GATA4: variants seen among roughly 807,000 people sequenced by gnomAD.
GATA4 encodes the protein GATA binding protein 4, also known as transcription factor GATA-4.
GATA4 carries 7 observed loss-of-function variants against 37.9 expected under a neutral mutation model. The observed-to-expected ratio is 0.18, with a 90% CI of 0.11 to 0.35. GATA4 has a LOEUF of 0.35. Ranked by LOEUF, GATA4 falls within the 10% of genes least tolerant of loss-of-function variation. The pLI is 1.00. For missense variants in GATA4, 647 were observed against 653.0 expected (o/e 0.99, Z 0.10); for synonymous variants, 372 against 292.6 (o/e 1.27, Z -2.77).
In GATA4 at chr8:11,710,681, T is replaced by C. The variant is rs1800139501; in HGVS notation, c.616+1753T>C. Among the ~76,000 whole-genome samples the C allele has an allele frequency of 3.7e-5, 3 of 81,812 alleles. No individual in the cohort carries two copies. The South Asian group carries it at 1.6e-3, about 44-fold the overall frequency. The allele number at this position is 81,812 out of a possible 152,430, so 53.7% of individuals were successfully genotyped here. A position where few individuals can be genotyped will look rare whatever the true frequency, so the allele number is the denominator to read the frequency against. ...CTCCAGCCTGGTAACAGAACAAGAC[T>C]ACGTCTCAAAAAAAAAAAAAAAAAA... On this transcript the variant is annotated intron_variant, in intron 2 of 6. Transcript: ENST00000532059.
At chr8:11,691,068 C>CTGTGTGGATAAATGAT (rs1426455969), upstream of GATA4, among the ~76,000 whole-genome samples, 1 of 152,196 alleles carries the variant, frequency 6.6e-6, no homozygotes, top group Non-Finnish European at 1.5e-5. Context: ...AATAGAGTGA[C>CTGTGTGGATAAATGAT]TGTGTGGATA....
In GATA4 at chr8:11,709,484, G is replaced by C. The variant is rs2130076399; in HGVS notation, c.616+556G>C. Among the ~76,000 whole-genome samples, 1 of 150,822 alleles carries C rather than the reference G, an allele frequency of 6.6e-6. No homozygotes were observed. The highest frequency in any genetic ancestry group is 1.5e-5 in the Non-Finnish European group (1 of 67,676). On this transcript the variant is annotated intron_variant, in intron 2 of 6. Transcript: ENST00000532059. The surrounding 1 kb of genome is among the most constrained non-coding windows in gnomAD (Gnocchi z 4.3). ...TCACACCGAGAACAAAGGAGGGATGGACAAAGGAGACGCCGGGGAGATGCG... is the reference window on the plus strand; with the variant it reads ...TCACACCGAGAACAAAGGAGGGATGCACAAAGGAGACGCCGGGGAGATGCG...
chr8:11,755,386 G>A (rs1802505425), intron 5 of GATA4, among the ~76,000 whole-genome samples: 1 of 152,220 alleles, frequency 6.6e-6, no homozygotes, highest in African/African-American at 2.4e-5. Flanking sequence ...CAAAGACCCA[G>A]TGCTCAGGCT....
intron 1 of GATA4, among the ~76,000 whole-genome samples, chr8:11,686,543 T>C (rs987978092): frequency 6.6e-6 from 1 of 152,208 alleles, no homozygotes; most frequent in East Asian, 1.9e-4. Context: ...ATCTCTTCCC[T>C]TCTTCATCTA....
upstream of GATA4, among the ~76,000 whole-genome samples, chr8:11,689,398 C>T (rs144454010): frequency 1.8e-3 from 280 of 152,280 alleles, 2 homozygotes; most frequent in African/African-American, 6.6e-3. Context: ...CCCAGAACAG[C>T]AGCATGCACC....
chr8:11,729,504 G>T (rs1396038154), intron 2 of GATA4, among the ~76,000 whole-genome samples: 1 of 150,560 alleles, frequency 6.6e-6, no homozygotes, highest in Non-Finnish European at 1.5e-5. Flanking sequence ...AGGACACAGA[G>T]GTTGCTGTGC....
At chr8:11,733,754 A>G (rs1801318255) in intron 2 of GATA4, among the ~76,000 whole-genome samples, 1 of 152,254 alleles carries the variant, frequency 6.6e-6, no homozygotes, top group African/African-American at 2.4e-5. Flanking sequence ...ACGTGTGTTC[A>G]GCACACTGCT....
chr8:11,746,551 C>T (rs183312945), intron 2 of GATA4, among the ~76,000 whole-genome samples: 9 of 152,370 alleles, frequency 5.9e-5, no homozygotes, highest in African/African-American at 2.2e-4. Flanking sequence ...AAAACGACGA[C>T]GTTGCCCGCG....
At chr8:11,738,350 A>C (rs1200318352) in intron 2 of GATA4, among the ~76,000 whole-genome samples, 1 of 152,054 alleles carries the variant, frequency 6.6e-6, no homozygotes, top group Non-Finnish European at 1.5e-5. Flanking sequence ...TCCTCCTAAA[A>C]ATGTTCATTC....
chr8:11,744,129 G>T (rs1265035154), intron 2 of GATA4, among the ~76,000 whole-genome samples: 1 of 152,156 alleles, frequency 6.6e-6, no homozygotes, highest in Non-Finnish European at 1.5e-5. Context: ...TATAGCCCCA[G>T]TGGTTTAAGA....
At chr8:11,742,380 TTTTG>T (rs1481493507) in intron 2 of GATA4, among the ~76,000 whole-genome samples, 1 of 92,950 alleles carries the variant, frequency 1.1e-5, no homozygotes, top group Admixed American at 9.8e-5. Flanking sequence ...GTTTTTGGTG[TTTTG>T]TTTTTTTTTT....
upstream of GATA4, among the ~76,000 whole-genome samples, chr8:11,690,345 AC>A (rs1770905469): frequency 6.6e-6 from 1 of 152,216 alleles, no homozygotes; most frequent in Non-Finnish European, 1.5e-5. Flanking sequence ...AATTCAGCAA[AC>A]TTTTTTAAAA....
chr8:11,697,911 C>T lies in GATA4; in HGVS notation c.-728-2597C>T. 5 of 985,468 alleles carry T rather than the reference C, an allele frequency of 5.1e-6. No homozygotes were observed. In the South Asian group the frequency reaches 1.9e-4, roughly 37 times the overall value. The allele number at this position is 985,468 out of a possible 1,614,324, so 61.0% of individuals were successfully genotyped here. On this transcript the variant is annotated intron_variant, in intron 1 of 2. Transcript: ENST00000526974. ...CAGGGAATGCCAGATCTCTGGGGGA[C>T]CCACCAGTCCCCTGATGTGCGCGTT...
At chr8:11,738,605 T>C (rs996146526) in intron 2 of GATA4, among the ~76,000 whole-genome samples, 1 of 152,214 alleles carries the variant, frequency 6.6e-6, no homozygotes, top group Non-Finnish European at 1.5e-5. Context: ...TGAATATCCT[T>C]GTATATAAAC....
intron 2 of GATA4, among the ~76,000 whole-genome samples, chr8:11,741,188 G>A (rs1801720721): frequency 6.6e-6 from 1 of 152,140 alleles, no homozygotes; most frequent in Non-Finnish European, 1.5e-5. Flanking sequence ...TTTCAAGAAA[G>A]TGCTTGTGGC....
chr8:11,742,857 A>G (rs1421065798), intron 2 of GATA4, among the ~76,000 whole-genome samples: 10 of 152,374 alleles, frequency 6.6e-5, no homozygotes, highest in Admixed American at 4.6e-4. Flanking sequence ...TGGATGGGAC[A>G]TGGGCCTGGG....
chr8:11,686,785 G>C (rs938321330), intron 1 of GATA4, among the ~76,000 whole-genome samples: 1 of 152,108 alleles, frequency 6.6e-6, no homozygotes, highest in South Asian at 2.1e-4. Flanking sequence ...AGATCACGAG[G>C]TCAGGAGTTC....
intron 5 of GATA4, among the ~76,000 whole-genome samples, chr8:11,755,858 A>C (rs1802534039): frequency 6.6e-6 from 1 of 151,646 alleles, no homozygotes; most frequent in Non-Finnish European, 1.5e-5. Flanking sequence ...GCAGTGACCT[A>C]TGATCGTGCC....
At chr8:11,678,877 G>A (rs914782082) in intron 1 of GATA4, among the ~76,000 whole-genome samples, 26 of 152,128 alleles carry the variant, frequency 1.7e-4, no homozygotes, top group African/African-American at 6.3e-4. Context: ...TCGATTAGGG[G>A]GGAGCCTTAA....
Sources: allele counts gnomAD v4.1 joint callset (sites outside exome capture counted in the v4.1 genomes callset), GRCh38; gene constraint gnomAD v4.1.1; non-coding constraint Gnocchi (gnomAD v3.1); transcripts MANE v1.5; gene names NCBI Gene and HGNC (gene_info 2026-07-23, HGNC 2026-07-21).